The following ATP2A3 variants were observed in gnomAD, a reference collection of about 807,000 sequenced individuals.
ATP2A3 encodes sarcoplasmic/endoplasmic reticulum calcium ATPase 3.
ATP2A3 carries 61 observed loss-of-function variants against 106.8 expected under a neutral mutation model. The ratio of observed to expected loss-of-function variants is 0.57; its 90% CI spans 0.46 to 0.71. The LOEUF is 0.71. Ranked by LOEUF, ATP2A3 falls within the 30% of genes least tolerant of loss-of-function variation. ATP2A3 has a pLI of 0.00. For missense variants in ATP2A3, 1,201 were observed against 1,423.5 expected, an observed-to-expected ratio of 0.84 and a Z score of 2.52; for synonymous variants, 611 against 609.3, an observed-to-expected ratio of 1.00 and a Z score of -0.04.
intron 4 of ATP2A3, 30 bp from the exon 5 acceptor site, chr17:3,951,419 G>A: frequency 6.2e-7 from 1 of 1,613,202 alleles, no homozygotes; most frequent in South Asian, 1.1e-5. Flanking sequence ...CAGGCAGTCT[G>A]TCCCTGCTGC....
chr17:3,950,555 C>T lies in ATP2A3; in HGVS notation c.586G>A (p.Asp196Asn). 1 of 1,614,194 alleles carries T rather than the reference C, an allele frequency of 6.2e-7. No homozygotes were observed. Among genetic ancestry groups the T allele is most frequent in the South Asian group, 1.1e-5 (1 of 91,084 alleles). Residue 196 changes from aspartate to asparagine, a missense_variant, in exon 7 of 21, where the codon GAC becomes AAC. By Grantham distance (23) the Asp-to-Asn change is conservative. Coordinates refer to ENST00000397041, the MANE Select transcript of ATP2A3 (RefSeq NM_005173.4). ...TTGTCCTGGTTCACAGCTCTGGGGT[C>T]TGGGATGGCCTCTGTGTGCTTGGTC... Reference protein sequence around the residue: ...SVTKHTEAIPDPRAVNQDKKN... With the variant: ...SVTKHTEAIPNPRAVNQDKKN...
At chr17:3,941,337 C>T in intron 13 of ATP2A3, 31 bp from the exon 14 acceptor site, 1 of 1,613,818 alleles carries the variant, frequency 6.2e-7, no homozygotes, top group Non-Finnish European at 8.5e-7. Context: ...CAAGCGGGGC[C>T]TGAGCCCATC....
chr17:3,927,112 A>G, intron 20 of ATP2A3: 3 of 985,340 alleles, frequency 3.0e-6, no homozygotes, highest in Non-Finnish European at 3.6e-6. Context: ...CTTTAACCTC[A>G]AAGCCTGGAG....
At chr17:3,942,844 T>C (rs1018932316) in intron 11 of ATP2A3, 113 bp from the exon 12 acceptor site, 2 of 1,479,342 alleles carry the variant, frequency 1.4e-6, no homozygotes, top group South Asian at 2.3e-5. Flanking sequence ...GGATGACATC[T>C]ACACTCCTCT....
intron 5 of ATP2A3, 38 bp from the exon 6 acceptor site, chr17:3,950,811 G>T: frequency 6.3e-7 from 1 of 1,597,878 alleles, no homozygotes; most frequent in Middle Eastern, 2.2e-4. Flanking sequence ...GGTGGCTTTG[G>T]GCACCACCAG....
chr17:3,928,406 C>T lies in ATP2A3; in HGVS notation c.2980+257G>A, dbSNP rs913304281. ...CCATGTAGGGGGTGGCAGGTGAAGA[C>T]AGTGAGGCAGTGTGGCCCAAGAGGT... On this transcript the variant is annotated intron_variant, in intron 20 of 20. Transcript: ENST00000397041. The surrounding 1 kb of genome is among the most constrained non-coding windows in gnomAD (Gnocchi z 6.1). The T allele has an allele frequency of 8.0e-6, 11 of 1,367,054 alleles. No homozygotes were observed. The highest frequency in any genetic ancestry group is 1.9e-5 in the Admixed American group (1 of 53,420). The allele number at this position is 1,367,054 out of a possible 1,614,324, so 84.7% of individuals were successfully genotyped here.
chr17:3,947,973 A>C lies in ATP2A3; in HGVS notation c.631-118T>G, dbSNP rs955358415. On this transcript the variant is annotated intron_variant, in intron 7 of 20. Coordinates refer to ENST00000397041, the MANE Select transcript of ATP2A3 (RefSeq NM_005173.4). The surrounding 1 kb of genome is among the most constrained non-coding windows in gnomAD (Gnocchi z 7.7). ...CTTCTACCCGGCTTTCCTTTTCTCCATGTTGCTAGTGCTTCCAGACTCCTG... is the reference window on the plus strand; with the variant it reads ...CTTCTACCCGGCTTTCCTTTTCTCCCTGTTGCTAGTGCTTCCAGACTCCTG... 9.8e-7 allele frequency: 1 copy of C among 1,020,572 alleles called. No homozygotes were observed. The highest frequency in any genetic ancestry group is 1.4e-5 in the South Asian group (1 of 70,286). 63.2% of individuals were successfully genotyped at this position (1,020,572 alleles called of 1,614,324 possible).
Position 3,953,705 on chromosome 17 carries a change from G to C in ATP2A3, c.124C>G (p.Pro42Ala), listed in dbSNP as rs1279511367. 6.4e-7 allele frequency: 1 copy of C among 1,570,580 alleles called. No homozygotes were observed. ...ARERYGPNEL[P>A]SEEGKSLWEL... The stretch of plus-strand genomic sequence containing the variant: ...GTGCCAGCCTCACCTTCCTCACTCG[G>C]GAGCTCTGCAGGATCCAGGCAGCCA... The change falls in exon 2 of 21, where the codon CCG (proline) becomes GCG (alanine). Residue 42 changes from proline (P) to alanine (A), a missense_variant. Around this residue, in one of 2 missense-constraint regions of ATP2A3, gnomAD observed 266 missense variants for 246.8 expected, o/e 1.08. Coordinates refer to ENST00000397041, the MANE Select transcript of ATP2A3 (RefSeq NM_005173.4). The surrounding 1 kb of genome is among the most constrained non-coding windows in gnomAD (Gnocchi z 5.1).
At chr17:3,952,560 G>A (rs1010107091) in intron 3 of ATP2A3, among the ~76,000 whole-genome samples, 4 of 152,080 alleles carry the variant, frequency 2.6e-5, no homozygotes, top group Non-Finnish European at 4.4e-5. Flanking sequence ...GGGACAAGGT[G>A]CCCCCCAGGG....
Position 3,933,644 on chromosome 17 carries a change from G to A in ATP2A3, c.2610+1548C>T, listed in dbSNP as rs529324897. Among the ~76,000 whole-genome samples the A allele has an allele frequency of 3.3e-5, 5 of 151,182 alleles. No individual in the cohort carries two copies. In the South Asian group the frequency reaches 8.3e-4, roughly 25 times the overall value. ...CCAGCTAATGGGGAGGCTGAGGCAG[G>A]GGAATCACTTGAACCCGGGAGGTGG... On this transcript the variant is annotated intron_variant, in intron 17 of 20. Coordinates refer to ENST00000397041, the MANE Select transcript of ATP2A3 (RefSeq NM_005173.4).
chr17:3,937,920 T>A (rs537785355), intron 14 of ATP2A3, among the ~76,000 whole-genome samples: 5 of 151,474 alleles, frequency 3.3e-5, no homozygotes, highest in Non-Finnish European at 7.4e-5. Flanking sequence ...GCGATGAGGG[T>A]AGGGATGAAA....
In ATP2A3 at chr17:3,924,249, A is replaced by G. The variant is rs1432642871; in HGVS notation, c.*1173T>C. On this transcript the variant is annotated 3_prime_UTR_variant, in exon 21 of 21. Transcript: ENST00000397041. This position sits in a 1 kb window ranked among gnomAD's most constrained non-coding sequence, Gnocchi z 6.4. ...ACAATCCTTGGTGCAGGTTTCTGCTACCCCTCGCTAGTTTTTGCCAAAGTA... is the reference window on the plus strand; with the variant it reads ...ACAATCCTTGGTGCAGGTTTCTGCTGCCCCTCGCTAGTTTTTGCCAAAGTA... 1 of 155,132 alleles carries G rather than the reference A, an allele frequency of 6.4e-6. No homozygotes were observed. Among genetic ancestry groups the G allele is most frequent in the African/African-American group, 2.4e-5 (1 of 41,446 alleles). 9.6% of individuals were successfully genotyped at this position (155,132 alleles called of 1,614,324 possible).
chr17:3,940,876 G>T, intron 14 of ATP2A3, 95 bp downstream of exon 14: 1 of 1,387,726 alleles, frequency 7.2e-7, no homozygotes, highest in East Asian at 2.3e-5. Flanking sequence ...GAAAAGGTAA[G>T]AATGAGGCAG....
At position 3,944,045 on chromosome 17, in the gene ATP2A3, A is replaced by G. The variant is rs1346795965; in HGVS notation, c.1288-523T>C. 2.0e-5 allele frequency among the ~76,000 whole-genome samples: 3 copies of G among 152,202 alleles called. No homozygotes were observed. The East Asian group carries it at 5.8e-4, about 29-fold the overall frequency. ...CCAAGTCCCAGGATTTTTGGCTCCT[A>G]AATGTCTCTGACCCATACCTTCTCC... On this transcript the variant is annotated intron_variant, in intron 10 of 20. Coordinates refer to ENST00000397041, the MANE Select transcript of ATP2A3 (RefSeq NM_005173.4).
Position 3,953,833 on chromosome 17 carries a change from G to T in ATP2A3, c.119-123C>A. On this transcript the variant is annotated intron_variant, in intron 1 of 20. Transcript: ENST00000397041. The surrounding 1 kb of genome is among the most constrained non-coding windows in gnomAD (Gnocchi z 5.1). ...CCCGCCCAGACCCCCACCACGGACTGGATGTATCCCCAGGGCTCTCTGAGG... is the reference window on the plus strand; with the variant it reads ...CCCGCCCAGACCCCCACCACGGACTTGATGTATCCCCAGGGCTCTCTGAGG... The T allele has an allele frequency of 9.4e-7, 1 of 1,062,308 alleles. No individual in the cohort carries two copies. Among genetic ancestry groups the T allele is most frequent in the Non-Finnish European group, 1.4e-6 (1 of 703,780 alleles). The allele number at this position is 1,062,308 out of a possible 1,614,324, so 65.8% of individuals were successfully genotyped here.
intron 17 of ATP2A3, among the ~76,000 whole-genome samples, chr17:3,933,534 G>A (rs917089750): frequency 6.6e-5 from 10 of 151,140 alleles, no homozygotes; most frequent in Non-Finnish European, 1.0e-4. Context: ...TCAGGAGATC[G>A]AGACCATCCT....
Position 3,926,876 on chromosome 17 carries a change from C to G in ATP2A3, c.2981-1435G>C. On this transcript the variant is annotated intron_variant, in intron 20 of 20. Coordinates refer to ENST00000397041, the MANE Select transcript of ATP2A3 (RefSeq NM_005173.4). The surrounding 1 kb of genome is among the most constrained non-coding windows in gnomAD (Gnocchi z 4.6). ...GAGCCACTGCACCCGGCCCGTTAGT[C>G]TCACCCCCTCTTGCCTGTCCTCCAT... is the stretch of plus-strand genomic sequence containing the variant. The G allele has an allele frequency of 1.0e-6, 1 of 985,424 alleles. No homozygotes were observed. The highest frequency in any genetic ancestry group is 1.2e-6 in the Non-Finnish European group (1 of 829,928). The allele number at this position is 985,424 out of a possible 1,614,324, so 61.0% of individuals were successfully genotyped here.
In ATP2A3 at chr17:3,943,456, T is replaced by A; in HGVS notation, c.1354A>T (p.Met452Leu). ...ETALTCLVEK[M>L]NVFDTDLQAL... ...TGCAGGTCGGTGTCGAACACGTTCA[T>A]CTTCTCCACCAGGCAAGTCAGAGCT... Residue 452 changes from methionine to leucine, a missense_variant, in exon 11 of 21, where the codon ATG becomes TTG. Around this residue, in one of 2 missense-constraint regions of ATP2A3, gnomAD observed 935 missense variants for 1,176.7 expected, o/e 0.79. Coordinates refer to ENST00000397041, the MANE Select transcript of ATP2A3 (RefSeq NM_005173.4). The A allele has an allele frequency of 6.2e-7, 1 of 1,613,982 alleles. No individual in the cohort carries two copies. The highest frequency in any genetic ancestry group is 8.5e-7 in the Non-Finnish European group (1 of 1,179,974).
In ATP2A3 at chr17:3,947,995, C is replaced by A. The variant is rs1326745207; in HGVS notation, c.631-140G>T. The stretch of plus-strand genomic sequence containing the variant: ...TCCATGTTGCTAGTGCTTCCAGACT[C>A]CTGTAGCTATGTATGCACGGGGTCC... On this transcript the variant is annotated intron_variant, in intron 7 of 20. Transcript: ENST00000397041. This position sits in a 1 kb window ranked among gnomAD's most constrained non-coding sequence, Gnocchi z 7.7. 6.1e-6 allele frequency: 5 copies of A among 816,122 alleles called. No individual in the cohort carries two copies. In the African/African-American group the frequency reaches 8.6e-5, roughly 14 times the overall value. The allele number at this position is 816,122 out of a possible 1,614,324, so 50.6% of individuals were successfully genotyped here. A position where few individuals can be genotyped will look rare whatever the true frequency, so the allele number is the denominator to read the frequency against.
Sources: gnomAD v4.1 joint callset for allele counts (sites outside exome capture counted in the v4.1 genomes callset) on GRCh38, gnomAD v4.1.1 for gene constraint, gnomAD v4.1.1 regional missense constraint, Gnocchi (gnomAD v3.1) non-coding constraint, MANE v1.5 for transcripts, NCBI Gene and HGNC (gene_info 2026-07-23, HGNC 2026-07-21) for gene names.